The following BLTP1 variants were observed in gnomAD, a reference collection of about 807,000 sequenced individuals.
BLTP1 encodes the protein fragile site-associated protein.
At chr4:122,362,251 A>G in the BLTP1 span, 1 of 1,609,140 alleles carries the variant, frequency 6.2e-7, no homozygotes, top group East Asian at 2.2e-5. Context: ...ACACTAAAAA[A>G]GTAATTTGAT....
At chr4:122,313,585 T>C in the BLTP1 span, 1 of 1,519,730 alleles carries the variant, frequency 6.6e-7, no homozygotes, top group South Asian at 1.2e-5. Context: ...TAGTCACAAA[T>C]GTATTTTTAT....
the BLTP1 span, chr4:122,262,731 A>G: frequency 6.5e-6 from 10 of 1,531,034 alleles, no homozygotes; most frequent in South Asian, 1.3e-5. Flanking sequence ...TTTTATATAC[A>G]TAAGAAATAA....
At chr4:122,258,765 T>C in the BLTP1 span, 1 of 1,614,066 alleles carries the variant, frequency 6.2e-7, no homozygotes, top group Middle Eastern at 1.7e-4. Context: ...CTGGTAGCTC[T>C]GGACCTGTAA....
the BLTP1 span, chr4:122,235,620 G>A: frequency 4.0e-4 from 92 of 229,082 alleles, no homozygotes; most frequent in East Asian, 1.1e-3. Context: ...CCTGGCTAAC[G>A]TGGTGAAACC....
chr4:122,280,433 C>T, the BLTP1 span, among the ~76,000 whole-genome samples: 11 of 152,134 alleles, frequency 7.2e-5, no homozygotes, highest in African/African-American at 2.7e-4. Context: ...TGAGCATTAA[C>T]CTTTATTCCC....
chr4:122,348,764 C>A, the BLTP1 span: 2 of 1,329,826 alleles, frequency 1.5e-6, no homozygotes, highest in Non-Finnish European at 2.1e-6. Context: ...ATTTTTGTAA[C>A]TTTTCTTCTA....
At chr4:122,328,090 C>T in the BLTP1 span, 179 of 1,461,038 alleles carry the variant, frequency 1.2e-4, no homozygotes, top group East Asian at 6.5e-4. Flanking sequence ...CATGTTTTTT[C>T]TTTTTACAAT....
the BLTP1 span, chr4:122,254,822 G>A: frequency 6.3e-7 from 1 of 1,579,284 alleles, no homozygotes; most frequent in Non-Finnish European, 8.6e-7. Context: ...AACCTTTTAA[G>A]CACTGCAACA....
At chr4:122,207,369 A>G in the BLTP1 span, 4 of 1,368,194 alleles carry the variant, frequency 2.9e-6, no homozygotes, top group South Asian at 2.9e-5. Context: ...ACTAGAAGTT[A>G]TTTCCCCCCA....
the BLTP1 span, among the ~76,000 whole-genome samples, chr4:122,285,378 C>G: frequency 1.3e-5 from 2 of 152,020 alleles, no homozygotes; most frequent in South Asian, 4.2e-4. Flanking sequence ...GGTGTGCTAG[C>G]AATAGTAGTG....
At chr4:122,323,351 A>G in the BLTP1 span, among the ~76,000 whole-genome samples, 2 of 152,052 alleles carry the variant, frequency 1.3e-5, no homozygotes, top group Non-Finnish European at 2.9e-5. Flanking sequence ...AACTCCTTAC[A>G]TGTGAAACTG....
the BLTP1 span, chr4:122,315,434 C>T: frequency 3.1e-6 from 5 of 1,613,168 alleles, no homozygotes; most frequent in Non-Finnish European, 4.2e-6. Flanking sequence ...CAGGACTTAA[C>T]AAAAATGCAA....
chr4:122,207,699 A>G, the BLTP1 span: 1 of 1,353,954 alleles, frequency 7.4e-7, no homozygotes, highest in Non-Finnish European at 1.0e-6. Flanking sequence ...GATTTCCCAA[A>G]GCTTATCTTC....
the BLTP1 span, among the ~76,000 whole-genome samples, chr4:122,327,099 G>GTGTTTTGTTT: frequency 0.26 from 37,967 of 148,072 alleles, 5,461 homozygotes; most frequent in Non-Finnish European, 0.31. Context: ...TCATAGGGGG[G>GTGTTTTGTTT]TGTTTTGTTT....
the BLTP1 span, among the ~76,000 whole-genome samples, chr4:122,179,081 C>T: frequency 6.6e-6 from 1 of 151,874 alleles, no homozygotes; most frequent in African/African-American, 2.4e-5. Flanking sequence ...AGTTTGAGAC[C>T]AGCTTATACA....
At chr4:122,262,688 A>G in the BLTP1 span, 1 of 1,486,746 alleles carries the variant, frequency 6.7e-7, no homozygotes, top group Non-Finnish European at 9.0e-7. Flanking sequence ...AGCAACAGTA[A>G]TAGTAATAGT....
chr4:122,338,220 G>A, the BLTP1 span, among the ~76,000 whole-genome samples: 1 of 151,880 alleles, frequency 6.6e-6, no homozygotes, highest in African/African-American at 2.4e-5. Context: ...AGGCTGAGGC[G>A]GGTAGATCAC....
the BLTP1 span, chr4:122,243,972 G>T: frequency 6.2e-7 from 1 of 1,611,674 alleles, no homozygotes; most frequent in Non-Finnish European, 8.5e-7. Context: ...CATAGTTGAA[G>T]TAAAAGGAAC....
chr4:122,165,756 A>G, the BLTP1 span, among the ~76,000 whole-genome samples: 1 of 133,574 alleles, frequency 7.5e-6, no homozygotes, highest in Non-Finnish European at 1.7e-5. Context: ...CTTTTTAATG[A>G]TTGCCATTCT....
Sources: allele counts gnomAD v4.1 joint callset (sites outside exome capture counted in the v4.1 genomes callset), GRCh38; gene constraint gnomAD v4.1.1; transcripts MANE v1.5; gene names NCBI Gene and HGNC (gene_info 2026-07-23, HGNC 2026-07-21).